KLHL18: variants seen among roughly 807,000 people sequenced by gnomAD.
KLHL18 encodes kelch like family member 18.
KLHL18 carries 38 observed loss-of-function variants against 58.5 expected under a neutral mutation model. The observed-to-expected ratio is 0.65, with a 90% confidence interval of 0.50 to 0.85. The LOEUF (loss-of-function observed/expected upper bound fraction) is 0.85. KLHL18 is among the 40% of genes least tolerant of loss of function. The pLI, the probability that KLHL18 is intolerant of heterozygous loss-of-function variation, is 0.00. For missense variants in KLHL18, 624 were observed against 778.4 expected, an observed-to-expected ratio of 0.80 and a Z score of 2.36; for synonymous variants, 303 against 301.9, an observed-to-expected ratio of 1.00 and a Z score of -0.04.
intron 1 of KLHL18, 169 bp downstream of exon 1, chr3:47,283,263 C>A: frequency 1.7e-6 from 1 of 599,186 alleles, no homozygotes; most frequent in South Asian, 2.3e-5. Flanking sequence ...GGATCGGGGC[C>A]GAGTGGGGAG....
chr3:47,285,966 G>C (rs568087042), intron 1 of KLHL18, among the ~76,000 whole-genome samples: 1 of 152,012 alleles, frequency 6.6e-6, no homozygotes, highest in South Asian at 2.1e-4. Flanking sequence ...CTTGAGCCTG[G>C]GAGGCAGAGG....
chr3:47,284,021 G>C (rs1354047343), intron 1 of KLHL18, among the ~76,000 whole-genome samples: 1 of 152,188 alleles, frequency 6.6e-6, no homozygotes, highest in African/African-American at 2.4e-5. Flanking sequence ...TCACTTGAGT[G>C]GGGGAATTGG....
rs537213894 is a variant in KLHL18 at position 47,335,166 on chromosome 3, C to G, written c.898+347C>G. 7.2e-5 allele frequency among the ~76,000 whole-genome samples: 11 copies of G among 152,200 alleles called. No individual in the cohort carries two copies. In the East Asian group the frequency reaches 1.9e-3, roughly 27 times the overall value. On this transcript the variant is annotated intron_variant, in intron 6 of 9. Coordinates refer to ENST00000232766, the MANE Select transcript of KLHL18 (RefSeq NM_025010.5). ...CTGATTCCTGAGCCAGCACTTTTGC[C>G]CTAATATCACATTGGCTATGGTATA...
intron 7 of KLHL18, among the ~76,000 whole-genome samples, chr3:47,339,054 G>A (rs1704048491): frequency 6.6e-6 from 1 of 152,280 alleles, no homozygotes; most frequent in East Asian, 1.9e-4. Context: ...AAGGAGTTGG[G>A]GAGTTGGGCT....
intron 3 of KLHL18, among the ~76,000 whole-genome samples, chr3:47,323,487 A>G (rs1005315331): frequency 3.9e-5 from 6 of 152,144 alleles, no homozygotes; most frequent in Non-Finnish European, 8.8e-5. Flanking sequence ...CTATCATTGT[A>G]TGCACTTTTA....
intron 3 of KLHL18, among the ~76,000 whole-genome samples, chr3:47,326,783 T>G (rs1703732332): frequency 6.6e-6 from 1 of 151,738 alleles, no homozygotes; most frequent in East Asian, 1.9e-4. Context: ...TAGCTGGCTA[T>G]GGTTGCAGGC....
In KLHL18 at chr3:47,283,039, A is replaced by G. The variant is rs1238984743; in HGVS notation, c.74A>G (p.Tyr25Cys). ...GTGTCTGAGTTGCCTAGTCGCGGCTACGGCGTCATGGAGGAGATCCGGCGG... is the reference window on the plus strand; with the variant it reads ...GTGTCTGAGTTGCCTAGTCGCGGCTGCGGCGTCATGGAGGAGATCCGGCGG... ...FSVSELPSRG[Y>C]GVMEEIRRQG... The change falls in exon 1 of 10, where the codon TAC becomes TGC. Residue 25 changes from tyrosine (Y) to cysteine (C), a missense_variant. Tyr to Cys is a radical substitution (Grantham distance 194, BLOSUM62 -2). Transcript: ENST00000232766. 1.2e-6 allele frequency: 2 copies of G among 1,603,148 alleles called. No homozygotes were observed. The highest frequency in any genetic ancestry group is 8.5e-7 in the Non-Finnish European group (1 of 1,175,414).
At chr3:47,328,912 C>G (rs1019478287) in intron 3 of KLHL18, among the ~76,000 whole-genome samples, 2 of 151,982 alleles carry the variant, frequency 1.3e-5, no homozygotes, top group African/African-American at 4.8e-5. Flanking sequence ...AGGTGGGTTG[C>G]TGGAGTTCAG....
At chr3:47,318,192 A>G (rs1266325935) in intron 1 of KLHL18, among the ~76,000 whole-genome samples, 1 of 152,150 alleles carries the variant, frequency 6.6e-6, no homozygotes, top group Non-Finnish European at 1.5e-5. Flanking sequence ...TAAAACAAGT[A>G]TTTATTATCT....
In KLHL18 at chr3:47,284,789, C is replaced by G. The variant is rs184812417; in HGVS notation, c.129+1695C>G. On this transcript the variant is annotated intron_variant, in intron 1 of 9. Transcript: ENST00000232766. ...CCTAGTTGTAACCTTGAGCAAGTTA[C>G]TTAATCTCTGTAAGCCTCGGTTTTT... 2.6e-5 allele frequency among the ~76,000 whole-genome samples: 4 copies of G among 152,192 alleles called. No homozygotes were observed. In the East Asian group the frequency reaches 7.7e-4, roughly 29 times the overall value.
In KLHL18 at chr3:47,344,892, G is replaced by A. The variant is rs1704195895; in HGVS notation, c.*951G>A. 1 of 152,374 alleles carries A rather than the reference G, an allele frequency of 6.6e-6. No homozygotes were observed. Among genetic ancestry groups the A allele is most frequent in the Non-Finnish European group, 1.5e-5 (1 of 68,038 alleles). The allele number at this position is 152,374 out of a possible 1,614,324, so 9.4% of individuals were successfully genotyped here. On this transcript the variant is annotated 3_prime_UTR_variant, in exon 10 of 10. Transcript: ENST00000232766. The stretch of plus-strand genomic sequence containing the variant: ...TGGGCCTGTAGTAAGGTGCTCATGG[G>A]GTTTGTCTTCTCACCCACCATCAGA...
At chr3:47,300,614 A>G (rs1274374986) in intron 1 of KLHL18, among the ~76,000 whole-genome samples, 5 of 130,528 alleles carry the variant, frequency 3.8e-5, no homozygotes, top group Non-Finnish European at 8.0e-5. Flanking sequence ...CTGTTAAATG[A>G]GTAGTGGTAT....
rs1430448256 is a variant in KLHL18, at chr3:47,343,767, C to A, written c.1551C>A (p.Val517=). 1 of 1,614,122 alleles carries A rather than the reference C, an allele frequency of 6.2e-7. No individual in the cohort carries two copies. ...CCATGCACACGCGCAGGAGCCGGGT[C>A]TCCCTGGTGGCCAGCTGTGGGCGCC... ...IVPMHTRRSR[V]SLVASCGRLY... The change falls in exon 10 of 10, where the codon GTC becomes GTA. Residue 517 remains valine (V), a synonymous_variant. Transcript: ENST00000232766.
At chr3:47,298,353 TAAAAAAAAAAAA>T (rs36006254) in intron 1 of KLHL18, among the ~76,000 whole-genome samples, 7 of 118,558 alleles carry the variant, frequency 5.9e-5, no homozygotes, top group Admixed American at 9.1e-5. Flanking sequence ...ATCCTGTCTC[TAAAAAAAAAAAA>T]AAAAAAAGAG....
intron 1 of KLHL18, among the ~76,000 whole-genome samples, chr3:47,300,875 G>T (rs1439056185): frequency 2.0e-5 from 3 of 151,978 alleles, no homozygotes; most frequent in Non-Finnish European, 4.4e-5. Flanking sequence ...CTGACCTCAG[G>T]TGATCCGCCC....
At chr3:47,293,073 G>A (rs139182621) in intron 1 of KLHL18, among the ~76,000 whole-genome samples, 3 of 152,108 alleles carry the variant, frequency 2.0e-5, no homozygotes. Flanking sequence ...GAACTACCTA[G>A]AATAGTCAAA....
chr3:47,330,323 T>G (rs1465418142), intron 4 of KLHL18, among the ~76,000 whole-genome samples, 174 bp downstream of exon 4: 2 of 152,192 alleles, frequency 1.3e-5, no homozygotes, highest in African/African-American at 4.8e-5. Context: ...TTTCTATGTT[T>G]TATTTATTTT....
chr3:47,342,416 A>G (rs1001151610), intron 8 of KLHL18, among the ~76,000 whole-genome samples: 2 of 152,226 alleles, frequency 1.3e-5, no homozygotes, highest in African/African-American at 4.8e-5. Flanking sequence ...TACAGCAGCT[A>G]GAGGGCTGGT....
At position 47,345,936 on chromosome 3, in the gene KLHL18, T is replaced by C. The variant is rs919364337; in HGVS notation, c.*1995T>C. 4 of 152,590 alleles carry C rather than the reference T, an allele frequency of 2.6e-5. No homozygotes were observed. Among genetic ancestry groups the C allele is most frequent in the Non-Finnish European group, 2.9e-5 (2 of 68,014 alleles). 9.5% of individuals were successfully genotyped at this position (152,590 alleles called of 1,614,324 possible). On this transcript the variant is annotated 3_prime_UTR_variant, in exon 10 of 10. Transcript: ENST00000232766. ...TTTTTAACGTCTCAACAATCTGATATCGGATGTCGTTTAACCTGGGCTCGT... is the reference window on the plus strand; with the variant it reads ...TTTTTAACGTCTCAACAATCTGATACCGGATGTCGTTTAACCTGGGCTCGT...
Sources: gnomAD v4.1 joint callset for allele counts (sites outside exome capture counted in the v4.1 genomes callset) on GRCh38, gnomAD v4.1.1 for gene constraint, MANE v1.5 for transcripts, NCBI Gene and HGNC (gene_info 2026-07-23, HGNC 2026-07-21) for gene names.